Variants in OLFM2 observed in about 807,000 individuals in gnomAD.
OLFM2 encodes the protein olfactomedin 2, also known as noelin-2.
Under a neutral mutation model 43.9 loss-of-function variants are expected in OLFM2, and 20 were observed. The ratio of observed to expected loss-of-function variants is 0.46; its 90% CI spans 0.32 to 0.66. The LOEUF (loss-of-function observed/expected upper bound fraction) is 0.66, where lower values mean the gene tolerates loss of function less well. OLFM2 is among the 30% of genes least tolerant of loss of function. OLFM2 has a pLI of 0.04. For missense variants in OLFM2, 416 were observed against 643.6 expected (o/e 0.65, Z 3.83); for synonymous variants, 268 against 278.6 (o/e 0.96, Z 0.38).
At chr19:9,914,755 G>A (rs957535749) in intron 1 of OLFM2, among the ~76,000 whole-genome samples, 3 of 152,060 alleles carry the variant, frequency 2.0e-5, no homozygotes, top group Admixed American at 1.3e-4. Context: ...GGCGGCGGCA[G>A]CCGCTGGGCC....
At chr19:9,931,633 A>C (rs975522266) in intron 1 of OLFM2, among the ~76,000 whole-genome samples, 4 of 146,098 alleles carry the variant, frequency 2.7e-5, no homozygotes, top group African/African-American at 1.1e-4. Flanking sequence ...CCCGGGAGGC[A>C]GAGGTTGCAG....
chr19:9,862,237 G>T (rs1389591574), intron 1 of OLFM2, among the ~76,000 whole-genome samples: 1 of 152,150 alleles, frequency 6.6e-6, no homozygotes, highest in Non-Finnish European at 1.5e-5. Context: ...AGTGCAGGGA[G>T]TAACAGGGGG....
intron 1 of OLFM2, among the ~76,000 whole-genome samples, chr19:9,867,200 A>C (rs928578377): frequency 8.5e-5 from 13 of 152,124 alleles, no homozygotes; most frequent in Non-Finnish European, 1.5e-4. Flanking sequence ...GTGAAACCCC[A>C]TCTCTACTAA....
At position 9,857,705 on chromosome 19, in the gene OLFM2, G is replaced by C; in HGVS notation, c.360+10C>G. The C allele has an allele frequency of 6.2e-7, 1 of 1,614,136 alleles. No homozygotes were observed. The highest frequency in any genetic ancestry group is 8.5e-7 in the Non-Finnish European group (1 of 1,180,028). ...TGTTTGACCTCTGGTCTGGACACAG[G>C]AGGACCCACCTGGAAGCTCTTGGCC... On this transcript the variant is annotated intron_variant, in intron 3 of 5. Coordinates refer to ENST00000264833, the MANE Select transcript of OLFM2 (RefSeq NM_058164.4). The surrounding 1 kb of genome is among the most constrained non-coding windows in gnomAD (Gnocchi z 5.7).
chr19:9,881,665 A>AT (rs33945661), intron 1 of OLFM2, among the ~76,000 whole-genome samples: 114,207 of 145,768 alleles, frequency 0.78, 45,966 homozygotes, highest in Non-Finnish European at 0.88. Context: ...CTAATTTTTA[A>AT]TTTTTTTTTT....
chr19:9,906,771 C>G (rs1374238866), intron 1 of OLFM2, among the ~76,000 whole-genome samples: 2 of 152,144 alleles, frequency 1.3e-5, no homozygotes, highest in African/African-American at 4.8e-5. Context: ...CCTGGCTTGG[C>G]CTTCCCCATC....
intron 1 of OLFM2, among the ~76,000 whole-genome samples, chr19:9,866,763 G>C (rs1464231627): frequency 6.6e-6 from 1 of 151,992 alleles, no homozygotes; most frequent in African/African-American, 2.4e-5. Context: ...CCAAAGTGCT[G>C]GAATTATAGG....
chr19:9,883,154 A>G (rs1036125624), intron 1 of OLFM2, among the ~76,000 whole-genome samples: 2 of 150,342 alleles, frequency 1.3e-5, no homozygotes, highest in Admixed American at 1.3e-4. Context: ...GGTTACAGTG[A>G]GCCGAGATCG....
chr19:9,868,224 G>A (rs757039557), intron 1 of OLFM2, among the ~76,000 whole-genome samples: 5 of 152,000 alleles, frequency 3.3e-5, no homozygotes, highest in Admixed American at 6.6e-5. Context: ...CATTATGCCC[G>A]GCTAATTTTT....
chr19:9,918,869 G>C (rs1046958818), intron 1 of OLFM2, among the ~76,000 whole-genome samples: 3 of 152,164 alleles, frequency 2.0e-5, no homozygotes, highest in African/African-American at 7.2e-5. Context: ...GGGGGTGGGA[G>C]TGGAGATGGA....
chr19:9,905,253 T>G (rs1010786416), intron 1 of OLFM2, among the ~76,000 whole-genome samples: 1 of 152,004 alleles, frequency 6.6e-6, no homozygotes, highest in African/African-American at 2.4e-5. Flanking sequence ...GTCAGGAGAT[T>G]GAGACCATCA....
At chr19:9,859,675 C>T (rs1381058892) in intron 2 of OLFM2, among the ~76,000 whole-genome samples, 1 of 152,202 alleles carries the variant, frequency 6.6e-6, no homozygotes, top group Non-Finnish European at 1.5e-5. Context: ...GTTAGACCCT[C>T]CCCAAGGGGC....
intron 1 of OLFM2, among the ~76,000 whole-genome samples, chr19:9,878,173 G>A (rs994923101): frequency 3.9e-5 from 6 of 152,066 alleles, no homozygotes; most frequent in Non-Finnish European, 7.4e-5. Context: ...CCAATCTGTG[G>A]TAGTCTGTTA....
intron 1 of OLFM2, among the ~76,000 whole-genome samples, chr19:9,909,389 G>T (rs1012209496): frequency 6.6e-6 from 1 of 152,160 alleles, no homozygotes; most frequent in Non-Finnish European, 1.5e-5. Flanking sequence ...CAGGTGAGAA[G>T]CCATTCCGCT....
Position 9,902,687 on chromosome 19 carries a change from AGGTGG to A in OLFM2, c.63+33612_63+33616del, listed in dbSNP as rs540985460. Among the ~76,000 whole-genome samples the A allele has an allele frequency of 3.2e-4, 49 of 151,708 alleles. 2 individuals are homozygous for A. In the South Asian group the frequency reaches 9.6e-3, roughly 30 times the overall value. ...GGTGAGAGCCCAGGAGTTCAAGACC[AGGTGG>A]GAGGATCACCCAGCCTTTTCTGGTT... is the stretch of plus-strand genomic sequence containing the variant. On this transcript the variant is annotated intron_variant, in intron 1 of 5. Coordinates refer to ENST00000264833, the MANE Select transcript of OLFM2 (RefSeq NM_058164.4).
At chr19:9,899,744 G>A (rs1397811879) in intron 1 of OLFM2, among the ~76,000 whole-genome samples, 1 of 151,692 alleles carries the variant, frequency 6.6e-6, no homozygotes, top group African/African-American at 2.4e-5. Flanking sequence ...TTAGAGATAG[G>A]GTTTCACTAT....
intron 1 of OLFM2, among the ~76,000 whole-genome samples, chr19:9,919,937 G>T (rs2086409596): frequency 6.6e-6 from 1 of 151,456 alleles, no homozygotes; most frequent in African/African-American, 2.4e-5. Context: ...TGGGATTACA[G>T]GGGCAAGCCA....
At chr19:9,870,040 G>A (rs1263160355) in intron 1 of OLFM2, among the ~76,000 whole-genome samples, 1 of 152,102 alleles carries the variant, frequency 6.6e-6, no homozygotes, top group Non-Finnish European at 1.5e-5. Context: ...TTACAGGCAT[G>A]CACCACTGCA....
Position 9,895,941 on chromosome 19 carries a change from C to T in OLFM2, c.64-35147G>A, listed in dbSNP as rs572063722. Among the ~76,000 whole-genome samples, 3 of 152,250 alleles carry T rather than the reference C, an allele frequency of 2.0e-5. No individual in the cohort carries two copies. The South Asian group carries it at 6.2e-4, about 32-fold the overall frequency. Reference sequence around the variant, plus strand: ...CGCACGTGTGATCATATTATCCTCCCGGCCAAAACCATATTGGTGGATTCC... The same window carrying T: ...CGCACGTGTGATCATATTATCCTCCTGGCCAAAACCATATTGGTGGATTCC... On this transcript the variant is annotated intron_variant, in intron 1 of 5. Transcript: ENST00000264833.
Sources: allele counts gnomAD v4.1 joint callset (sites outside exome capture counted in the v4.1 genomes callset), GRCh38; gene constraint gnomAD v4.1.1; non-coding constraint Gnocchi (gnomAD v3.1); transcripts MANE v1.5; gene names NCBI Gene and HGNC (gene_info 2026-07-23, HGNC 2026-07-21).